RGS6: variants seen among roughly 807,000 people sequenced by gnomAD.
RGS6 encodes regulator of G-protein signaling 6.
In RGS6, 30 loss-of-function variants were observed where a neutral mutation model predicts 78.5. The observed-to-expected ratio is 0.38, with a 90% confidence interval of 0.29 to 0.52. RGS6 has a LOEUF of 0.52. RGS6 is among the 20% of genes least tolerant of loss of function. The pLI is 0.85. For synonymous variants in RGS6, 206 were observed against 206.0 expected (o/e 1.00, Z 0.00); for missense variants, 495 against 609.7 (o/e 0.81, Z 1.98).
intron 2 of RGS6, among the ~76,000 whole-genome samples, chr14:72,090,518 C>G (rs1336857755): frequency 6.6e-6 from 1 of 152,196 alleles, no homozygotes; most frequent in African/African-American, 2.4e-5. Context: ...CCATCACCCC[C>G]AGAAATAAAG....
intron 2 of RGS6, among the ~76,000 whole-genome samples, chr14:72,309,390 C>T (rs2068022898): frequency 6.6e-6 from 1 of 152,224 alleles, no homozygotes; most frequent in South Asian, 2.1e-4. Flanking sequence ...TTGGCACATA[C>T]TCGGCTCTTA....
chr14:72,366,929 T>C (rs896424690), intron 3 of RGS6, among the ~76,000 whole-genome samples: 24 of 152,168 alleles, frequency 1.6e-4, no homozygotes, highest in African/African-American at 5.6e-4. Context: ...ATGAAGAATT[T>C]TCCAGGGACT....
At chr14:72,451,143 G>C (rs2095483000) in intron 3 of RGS6, among the ~76,000 whole-genome samples, 1 of 152,134 alleles carries the variant, frequency 6.6e-6, no homozygotes, top group Non-Finnish European at 1.5e-5. Flanking sequence ...TGGCGGAGTA[G>C]ATGCCACTGC....
At chr14:72,206,921 T>C (rs998420282) in intron 2 of RGS6, among the ~76,000 whole-genome samples, 1 of 152,118 alleles carries the variant, frequency 6.6e-6, no homozygotes, top group Non-Finnish European at 1.5e-5. Context: ...AAACTGTTAA[T>C]AGTGGTTATT....
intron 2 of RGS6, among the ~76,000 whole-genome samples, chr14:72,294,831 C>A (rs1289163653): frequency 6.6e-6 from 1 of 152,144 alleles, no homozygotes; most frequent in African/African-American, 2.4e-5. Flanking sequence ...ATGATCCAAT[C>A]ACCTCTTACC....
chr14:72,338,862 T>C (rs1038166763), intron 2 of RGS6, among the ~76,000 whole-genome samples: 1 of 152,076 alleles, frequency 6.6e-6, no homozygotes, highest in Non-Finnish European at 1.5e-5. Context: ...TTAAAACCAA[T>C]TGTGAAGGAA....
chr14:71,967,199 A>C (rs1443277181), intron 2 of RGS6, among the ~76,000 whole-genome samples: 1 of 151,114 alleles, frequency 6.6e-6, no homozygotes, highest in Non-Finnish European at 1.5e-5. Flanking sequence ...GTATATATAT[A>C]TATATATATA....
chr14:72,209,525 T>A (rs1160150372), intron 2 of RGS6, among the ~76,000 whole-genome samples: 2 of 152,212 alleles, frequency 1.3e-5, no homozygotes, highest in African/African-American at 4.8e-5. Context: ...TGCCAGCCAC[T>A]TAATTAGCTG....
intron 4 of RGS6, among the ~76,000 whole-genome samples, chr14:72,455,853 A>G (rs190814226): frequency 6.7e-4 from 102 of 152,350 alleles, no homozygotes; most frequent in Admixed American, 1.2e-3. Flanking sequence ...TTGTGATTAT[A>G]ATGCTAAACT....
intron 2 of RGS6, among the ~76,000 whole-genome samples, chr14:72,212,802 C>T (rs2044500486): frequency 6.6e-6 from 1 of 152,176 alleles, no homozygotes; most frequent in South Asian, 2.1e-4. Context: ...AGGAATTCAG[C>T]ATAGTGATGG....
intron 2 of RGS6, among the ~76,000 whole-genome samples, chr14:72,192,419 AG>A (rs902213312): frequency 1.2e-4 from 18 of 152,228 alleles, no homozygotes; most frequent in African/African-American, 4.3e-4. Flanking sequence ...TGACTTTCCC[AG>A]GAAGGCTGTC....
intron 2 of RGS6, among the ~76,000 whole-genome samples, chr14:72,258,332 A>C (rs2057474785): frequency 1.3e-5 from 2 of 152,244 alleles, no homozygotes; most frequent in African/African-American, 4.8e-5. Flanking sequence ...CTGGGGTGTC[A>C]GTTCCACGTC....
At chr14:72,250,890 A>G (rs2055582332) in intron 2 of RGS6, among the ~76,000 whole-genome samples, 1 of 152,186 alleles carries the variant, frequency 6.6e-6, no homozygotes, top group Admixed American at 6.5e-5. Flanking sequence ...TGAAGGTTCA[A>G]GTCTGCTGAA....
At chr14:72,034,404 CTTTT>C (rs35821588) in intron 2 of RGS6, among the ~76,000 whole-genome samples, 1 of 144,618 alleles carries the variant, frequency 6.9e-6, no homozygotes. Context: ...CTTTTCAGTG[CTTTT>C]TTTTTTTTGG....
chr14:72,562,554 C>T lies in RGS6; in HGVS notation c.*87C>T, dbSNP rs1303841953. On this transcript the variant is annotated 3_prime_UTR_variant, in exon 18 of 18. Coordinates refer to ENST00000553525, the MANE Select transcript of RGS6 (RefSeq NM_001204424.2). The stretch of plus-strand genomic sequence containing the variant: ...CACATCTGCGGACAGAGTTTCCTTA[C>T]GAGGAGACTTGGTCACTGTGAAGGA... 68 of 1,583,810 alleles carry T rather than the reference C, an allele frequency of 4.3e-5. No individual in the cohort carries two copies. Among genetic ancestry groups the T allele is most frequent in the East Asian group, 9.1e-5 (4 of 43,918 alleles).
chr14:72,386,340 C>A (rs1481651285), intron 3 of RGS6, among the ~76,000 whole-genome samples: 1 of 152,080 alleles, frequency 6.6e-6, no homozygotes, highest in South Asian at 2.1e-4. Context: ...GAGTTCGAGA[C>A]CAGCCTGGAC....
chr14:72,221,099 T>C (rs2238237), intron 2 of RGS6, among the ~76,000 whole-genome samples: 9,183 of 152,238 alleles, frequency 0.06, 462 homozygotes, highest in East Asian at 0.32. Flanking sequence ...CCTCTACTTA[T>C]CTATTTGAAG....
At chr14:72,104,698 C>T (rs894842735) in intron 2 of RGS6, among the ~76,000 whole-genome samples, 5 of 152,172 alleles carry the variant, frequency 3.3e-5, no homozygotes, top group Non-Finnish European at 7.3e-5. Context: ...TGATTATAAA[C>T]ACAAATATGA....
At chr14:72,173,124 T>C (rs1278581261) in intron 2 of RGS6, among the ~76,000 whole-genome samples, 1 of 152,080 alleles carries the variant, frequency 6.6e-6, no homozygotes, top group Non-Finnish European at 1.5e-5. Context: ...GCCTGGAACA[T>C]ACTGGCAGAC....
Sources: allele counts gnomAD v4.1 joint callset (sites outside exome capture counted in the v4.1 genomes callset), GRCh38; gene constraint gnomAD v4.1.1; transcripts MANE v1.5; gene names NCBI Gene and HGNC (gene_info 2026-07-23, HGNC 2026-07-21).